SCAF4: variants seen among roughly 807,000 people sequenced by gnomAD.
SCAF4 encodes the protein SR-related and CTD-associated factor 4.
Under a neutral mutation model 129.8 loss-of-function variants are expected in SCAF4, and 25 were observed. That is an observed-to-expected ratio of 0.19 (90% CI 0.14 to 0.27). The LOEUF is 0.27. Ranked by LOEUF, SCAF4 falls within the 10% of genes least tolerant of loss-of-function variation. The probability of loss-of-function intolerance (pLI) is 1.00; values close to 1 mark genes in which losing one functional copy is unlikely to be tolerated. For synonymous variants in SCAF4, 551 were observed against 497.7 expected (o/e 1.11, Z -1.43); for missense variants, 1,246 against 1,457.1 (o/e 0.86, Z 2.36).
intron 1 of SCAF4, among the ~76,000 whole-genome samples, chr21:31,719,577 GCACC>G (rs1481612252): frequency 6.6e-6 from 1 of 151,800 alleles, no homozygotes; most frequent in African/African-American, 2.4e-5. Context: ...TGATCTCAGC[GCACC>G]ACAACCTCCG....
At chr21:31,702,766 A>G (rs955986564) in intron 4 of SCAF4, among the ~76,000 whole-genome samples, 1 of 152,210 alleles carries the variant, frequency 6.6e-6, no homozygotes, top group Non-Finnish European at 1.5e-5. Flanking sequence ...ACTGGCCTGT[A>G]GTCAAAACTT....
At chr21:31,675,874 A>G (rs1601174342) in intron 19 of SCAF4, among the ~76,000 whole-genome samples, 1 of 152,310 alleles carries the variant, frequency 6.6e-6, no homozygotes, top group East Asian at 1.9e-4. Context: ...CAAGTACATT[A>G]AAGGGCTACG....
chr21:31,685,112 C>T lies in SCAF4; in HGVS notation c.2425G>A (p.Val809Met), dbSNP rs557853226. 9 of 1,613,048 alleles carry T rather than the reference C, an allele frequency of 5.6e-6. No individual in the cohort carries two copies. The highest frequency in any genetic ancestry group is 2.2e-5 in the East Asian group (1 of 44,862). ...GDSVKMYGSA[V>M]PPAAPTNLPT... ...AGATTCGTGGGTGCAGCAGGTGGCA[C>T]GGCAGAGCCATACATTTTCACGCTG... Residue 809 changes from valine (V) to methionine (M), a missense_variant, in exon 19 of 20, where the codon GTG (valine) becomes ATG (methionine). By Grantham distance (21) the Val-to-Met change is conservative. Coordinates refer to ENST00000286835, the MANE Select transcript of SCAF4 (RefSeq NM_020706.2).
chr21:31,697,949 T>C (rs760264119), intron 7 of SCAF4, among the ~76,000 whole-genome samples: 1 of 152,192 alleles, frequency 6.6e-6, no homozygotes, highest in African/African-American at 2.4e-5. Flanking sequence ...TTAACCCTCA[T>C]GGCAACAATA....
rs76195288 is a variant in SCAF4, at chr21:31,724,681, G to A, written c.30+6982C>T. On this transcript the variant is annotated intron_variant, in intron 1 of 19. Coordinates refer to ENST00000286835, the MANE Select transcript of SCAF4 (RefSeq NM_020706.2). The stretch of plus-strand genomic sequence containing the variant: ...ATATTTGTTCGTGCCCCATGACACA[G>A]AACAACCTACAATTTTTACAGTGGC... 9.4e-3 allele frequency among the ~76,000 whole-genome samples: 1,427 copies of A among 152,140 alleles called. 24 individuals are homozygous for A. The highest frequency in any genetic ancestry group is 0.033 in the African/African-American group (1,353 of 41,520).
At chr21:31,714,266 T>G (rs2050873924) in intron 1 of SCAF4, among the ~76,000 whole-genome samples, 1 of 152,156 alleles carries the variant, frequency 6.6e-6, no homozygotes, top group Non-Finnish European at 1.5e-5. Flanking sequence ...CATTATAGCC[T>G]GTATTCACAA....
chr21:31,693,259 T>C (rs578209355), intron 12 of SCAF4, 35 bp downstream of exon 12: 15 of 1,348,724 alleles, frequency 1.1e-5, no homozygotes, highest in East Asian at 1.1e-4. Flanking sequence ...CATGAAAAAA[T>C]AGTACATGAG....
chr21:31,702,105 G>A, intron 5 of SCAF4, 139 bp downstream of exon 5: 1 of 1,341,254 alleles, frequency 7.5e-7, no homozygotes, highest in African/African-American at 1.5e-5. Flanking sequence ...AGGAATTATG[G>A]AAAGAAAATC....
chr21:31,672,017 C>T lies in SCAF4; in HGVS notation c.2826G>A (p.Gln942=). 6.2e-7 allele frequency: 1 copy of T among 1,613,296 alleles called. No homozygotes were observed. The highest frequency in any genetic ancestry group is 1.7e-4 in the Middle Eastern group (1 of 6,014). The change falls in exon 20 of 20, where the codon CAG becomes CAA. Residue 942 remains glutamine, a synonymous_variant. Transcript: ENST00000286835. ...GCTGCTGCTGTGGCTGCTGCGGCGG[C>T]TGTTGCCTTCCGTCTCTGTCTTCAG... ...GGPEDRDGRQ[Q]PPQQPQQQPQ...
chr21:31,692,528 C>T (rs2050283557), intron 12 of SCAF4, 79 bp from the exon 13 acceptor site: 1 of 886,406 alleles, frequency 1.1e-6, no homozygotes, highest in Non-Finnish European at 1.8e-6. Flanking sequence ...AAAATCATTA[C>T]ACAAAATATT....
In SCAF4 at chr21:31,731,904, C is replaced by T. The variant is rs1415940911; in HGVS notation, c.-212G>A. The T allele has an allele frequency of 1.2e-5, 6 of 500,300 alleles. No individual in the cohort carries two copies. Among genetic ancestry groups the T allele is most frequent in the Non-Finnish European group, 2.1e-5 (6 of 289,974 alleles). The allele number at this position is 500,300 out of a possible 1,614,324, so 31.0% of individuals were successfully genotyped here. A position where few individuals can be genotyped will look rare whatever the true frequency, so the allele number is the denominator to read the frequency against. On this transcript the variant is annotated 5_prime_UTR_variant, in exon 1 of 20. Coordinates refer to ENST00000286835, the MANE Select transcript of SCAF4 (RefSeq NM_020706.2). ...GAGGTGGCGGGCCCCCTCTCAGTCC[C>T]GTTCGCAGGATGAGGAAAAGGAGGC...
At chr21:31,692,733 T>C (rs2050288473) in intron 12 of SCAF4, among the ~76,000 whole-genome samples, 3 of 152,254 alleles carry the variant, frequency 2.0e-5, no homozygotes, top group East Asian at 3.9e-4. Context: ...AGGGAAGCAA[T>C]AACTTGCCCA....
Position 31,694,849 on chromosome 21 carries a change from T to G in SCAF4, c.1200A>C (p.Ala400=). ...VQQPFQASFQ[A]QNEPLTQKPH... ...GCTTCTGTGTAAGTGGTTCATTTTG[T>G]GCCTGAAAAGAAGCTTGGAAAGGCT... The change falls in exon 10 of 20, where the codon GCA becomes GCC. Residue 400 remains alanine (A), a synonymous_variant. Coordinates refer to ENST00000286835, the MANE Select transcript of SCAF4 (RefSeq NM_020706.2). 6.2e-7 allele frequency: 1 copy of G among 1,614,196 alleles called. No individual in the cohort carries two copies. Among genetic ancestry groups the G allele is most frequent in the Non-Finnish European group, 8.5e-7 (1 of 1,180,014 alleles).
intron 12 of SCAF4, 41 bp from the exon 13 acceptor site, chr21:31,692,490 T>A: frequency 7.4e-7 from 1 of 1,345,308 alleles, no homozygotes; most frequent in East Asian, 2.3e-5. Context: ...TCACATTTGA[T>A]AATGAGCAGC....
At chr21:31,731,068 G>C (rs1261722467) in intron 1 of SCAF4, among the ~76,000 whole-genome samples, 1 of 152,198 alleles carries the variant, frequency 6.6e-6, no homozygotes, top group Non-Finnish European at 1.5e-5. Context: ...CCCCCTCTCC[G>C]TTTATTAGCC....
chr21:31,706,448 A>G lies in SCAF4; in HGVS notation c.31-91T>C, dbSNP rs560985916. 1,638 of 849,116 alleles carry G rather than the reference A, an allele frequency of 1.9e-3. 35 individuals carry two copies. Among genetic ancestry groups the G allele is most frequent in the South Asian group, 0.018 (1,095 of 62,378 alleles). The allele number at this position is 849,116 out of a possible 1,614,324, so 52.6% of individuals were successfully genotyped here. The stretch of plus-strand genomic sequence containing the variant: ...CTACATATCTACATCACCACTTGGA[A>G]AATACAAACGGGGCCGGGGTGGTGA... On this transcript the variant is annotated intron_variant, in intron 1 of 19. Coordinates refer to ENST00000286835, the MANE Select transcript of SCAF4 (RefSeq NM_020706.2).
In SCAF4 at chr21:31,671,818, C is replaced by T. The variant is rs1055000443; in HGVS notation, c.3025G>A (p.Val1009Met). ...RFGRRSFGNR[V>M]ENDRERYGNR... Reference sequence around the variant, plus strand: ...CCATACCGTTCCCGGTCATTTTCCACCCTATTTCCAAAAGATCTTCTTCCA... The same window carrying T: ...CCATACCGTTCCCGGTCATTTTCCATCCTATTTCCAAAAGATCTTCTTCCA... Residue 1009 changes from valine (V) to methionine (M), a missense_variant, in exon 20 of 20, where the codon GTG becomes ATG. Val to Met is a conservative substitution (Grantham distance 21, BLOSUM62 1). Transcript: ENST00000286835. 1.2e-6 allele frequency: 2 copies of T among 1,614,030 alleles called. No homozygotes were observed. Among genetic ancestry groups the T allele is most frequent in the Admixed American group, 1.7e-5 (1 of 60,008 alleles).
Position 31,732,014 on chromosome 21 carries a change from C to T in SCAF4, c.-322G>A. 4.2e-6 allele frequency: 2 copies of T among 470,910 alleles called. No homozygotes were observed. Among genetic ancestry groups the T allele is most frequent in the Non-Finnish European group, 7.4e-6 (2 of 271,700 alleles). 29.2% of individuals were successfully genotyped at this position (470,910 alleles called of 1,614,324 possible). A position where few individuals can be genotyped will look rare whatever the true frequency, so the allele number is the denominator to read the frequency against. On this transcript the variant is annotated 5_prime_UTR_variant, in exon 1 of 20. It adds an upstream start codon to the 5' untranslated region. Coordinates refer to ENST00000286835, the MANE Select transcript of SCAF4 (RefSeq NM_020706.2). ...GCTGACACGGCCCCCCGCGCCCTCACGCACTGGCTCACACTGGCCCGGCCG... is the reference window on the plus strand; with the variant it reads ...GCTGACACGGCCCCCCGCGCCCTCATGCACTGGCTCACACTGGCCCGGCCG...
At chr21:31,675,213 A>C (rs143538658) in intron 19 of SCAF4, among the ~76,000 whole-genome samples, 1 of 152,224 alleles carries the variant, frequency 6.6e-6, no homozygotes, top group East Asian at 1.9e-4. Flanking sequence ...AAGTCAGGGC[A>C]ATTCACAGGC....
Sources: gnomAD v4.1 joint callset for allele counts (sites outside exome capture counted in the v4.1 genomes callset) on GRCh38, gnomAD v4.1.1 for gene constraint, MANE v1.5 for transcripts, NCBI Gene and HGNC (gene_info 2026-07-23, HGNC 2026-07-21) for gene names.